The following QRICH1 variants were observed in gnomAD, a reference collection of about 807,000 sequenced individuals.
QRICH1 encodes transcriptional regulator QRICH1.
In QRICH1, 16 loss-of-function variants were observed where a neutral mutation model predicts 87.1. That is an observed-to-expected ratio of 0.18 (90% CI 0.12 to 0.28). QRICH1 has a LOEUF of 0.28. QRICH1 is among the 10% of genes least tolerant of loss of function. The probability of loss-of-function intolerance (pLI) is 1.00; values close to 1 mark genes in which losing one functional copy is unlikely to be tolerated. For missense variants in QRICH1, 647 were observed against 951.7 expected (o/e 0.68, Z 4.21); for synonymous variants, 367 against 368.4 (o/e 1.00, Z 0.05).
chr3:49,091,899 C>G (rs1237954934), intron 1 of QRICH1, among the ~76,000 whole-genome samples: 1 of 151,978 alleles, frequency 6.6e-6, no homozygotes, highest in Non-Finnish European at 1.5e-5. Context: ...GGTGAAACCC[C>G]GTCTATACTA....
intron 6 of QRICH1, among the ~76,000 whole-genome samples, chr3:49,043,745 T>C (rs2093324160): frequency 1.3e-5 from 2 of 151,206 alleles, no homozygotes; most frequent in African/African-American, 4.9e-5. Flanking sequence ...GAGAATTGCC[T>C]GAATTGGGAC....
At chr3:49,037,342 G>A (rs943628273) in intron 6 of QRICH1, among the ~76,000 whole-genome samples, 1 of 152,204 alleles carries the variant, frequency 6.6e-6, no homozygotes, top group South Asian at 2.1e-4. Flanking sequence ...ACTACAGAGT[G>A]CAATCAGCAA....
At chr3:49,055,555 G>A (rs185606856) in intron 3 of QRICH1, among the ~76,000 whole-genome samples, 1 of 152,278 alleles carries the variant, frequency 6.6e-6, no homozygotes, top group East Asian at 1.9e-4. Context: ...TAGAGATAGG[G>A]TCTTCCTATA....
At chr3:49,060,775 G>A (rs1180011647) in intron 2 of QRICH1, among the ~76,000 whole-genome samples, 1 of 152,120 alleles carries the variant, frequency 6.6e-6, no homozygotes, top group Non-Finnish European at 1.5e-5. Flanking sequence ...GACTCTTGTA[G>A]GAGCACAAAC....
chr3:49,059,446 A>ATC (rs2093422326), intron 2 of QRICH1, among the ~76,000 whole-genome samples: 1 of 146,414 alleles, frequency 6.8e-6, no homozygotes, highest in African/African-American at 2.5e-5. Flanking sequence ...TTTTTTAGAC[A>ATC]GAGTCTCGCT....
At chr3:49,080,562 C>G (rs753218240) in intron 1 of QRICH1, among the ~76,000 whole-genome samples, 12 of 151,940 alleles carry the variant, frequency 7.9e-5, no homozygotes, top group Non-Finnish European at 1.5e-4. Flanking sequence ...ACTGAAAAAC[C>G]TTCGTGACTA....
At chr3:49,058,892 T>C (rs564416595) in intron 2 of QRICH1, among the ~76,000 whole-genome samples, 2 of 152,114 alleles carry the variant, frequency 1.3e-5, no homozygotes, top group African/African-American at 4.8e-5. Flanking sequence ...CCTCCAAAAC[T>C]GTTGAGATTA....
chr3:49,037,732 CAA>C (rs1335399505), intron 6 of QRICH1, among the ~76,000 whole-genome samples: 8 of 130,344 alleles, frequency 6.1e-5, no homozygotes, highest in Admixed American at 1.6e-4. Flanking sequence ...ACTCTGTATC[CAA>C]AAAAAAAAAA....
chr3:49,049,351 A>AT (rs2093357065), intron 3 of QRICH1, among the ~76,000 whole-genome samples: 1 of 151,888 alleles, frequency 6.6e-6, no homozygotes, highest in Non-Finnish European at 1.5e-5. Flanking sequence ...AGGCTGCAGC[A>AT]TAAGAATCAC....
At chr3:49,058,146 C>CA (rs1281525295) in intron 2 of QRICH1, 4,019 of 482,156 alleles carry the variant, frequency 8.3e-3, no homozygotes, top group East Asian at 9.7e-3. Flanking sequence ...AAGGAAATAC[C>CA]AAAAAAAAAA....
At position 49,074,127 on chromosome 3, in the gene QRICH1, G is replaced by A. The variant is rs905708486; in HGVS notation, c.309+2582C>T. On this transcript the variant is annotated intron_variant, in intron 2 of 9. Transcript: ENST00000395443. The stretch of plus-strand genomic sequence containing the variant: ...CAAACACAGACCCAGAAATCCATAC[G>A]TAATCTGAGTTATGGAATCACACAA... Among the ~76,000 whole-genome samples, 30 of 152,188 alleles carry A rather than the reference G, an allele frequency of 2.0e-4. 1 individual carries two copies. The highest frequency in any genetic ancestry group is 1.8e-3 in the Admixed American group (27 of 15,254).
intron 2 of QRICH1, among the ~76,000 whole-genome samples, chr3:49,070,441 T>C (rs1446635733): frequency 6.6e-6 from 1 of 152,138 alleles, no homozygotes; most frequent in Non-Finnish European, 1.5e-5. Context: ...AAATGCTTTG[T>C]TGTTCTGTTT....
At chr3:49,055,475 G>A (rs1160613516) in intron 3 of QRICH1, among the ~76,000 whole-genome samples, 2 of 152,158 alleles carry the variant, frequency 1.3e-5, no homozygotes, top group African/African-American at 4.8e-5. Flanking sequence ...CCAGGCTCAT[G>A]CAACCCTCGC....
At chr3:49,068,267 G>C (rs2093479416) in intron 2 of QRICH1, among the ~76,000 whole-genome samples, 2 of 151,928 alleles carry the variant, frequency 1.3e-5, no homozygotes, top group South Asian at 4.1e-4. Flanking sequence ...TGAAATGGCA[G>C]GATCAATTGC....
intron 1 of QRICH1, 117 bp downstream of exon 1, chr3:49,093,795 A>C: frequency 2.8e-6 from 1 of 355,824 alleles, no homozygotes. Flanking sequence ...AGCCGCCCCG[A>C]ACTCTCCAGG....
chr3:49,045,247 A>C (rs2093332208), intron 5 of QRICH1, among the ~76,000 whole-genome samples: 1 of 150,594 alleles, frequency 6.6e-6, no homozygotes, highest in Non-Finnish European at 1.5e-5. Flanking sequence ...CTGGCACAAG[A>C]CTCTGTTTTG....
At chr3:49,064,300 T>C (rs564690724) in intron 2 of QRICH1, among the ~76,000 whole-genome samples, 102 of 141,190 alleles carry the variant, frequency 7.2e-4, no homozygotes, top group Non-Finnish European at 1.4e-3. Context: ...TGGAGTGCAG[T>C]GGTGTGATCT....
chr3:49,089,363 G>C (rs1403552512), intron 1 of QRICH1, among the ~76,000 whole-genome samples: 2 of 152,024 alleles, frequency 1.3e-5, no homozygotes, highest in South Asian at 2.1e-4. Flanking sequence ...CCCGGCCATG[G>C]TTCTATTTTC....
intron 1 of QRICH1, among the ~76,000 whole-genome samples, chr3:49,088,356 A>G (rs2042210223): frequency 6.6e-6 from 1 of 151,918 alleles, no homozygotes; most frequent in Non-Finnish European, 1.5e-5. Flanking sequence ...GTGCAATGGC[A>G]TCATCTCGGC....
Sources: gnomAD v4.1 joint callset for allele counts (sites outside exome capture counted in the v4.1 genomes callset) on GRCh38, gnomAD v4.1.1 for gene constraint, MANE v1.5 for transcripts, NCBI Gene and HGNC (gene_info 2026-07-23, HGNC 2026-07-21) for gene names.